GAREM1: variants seen among roughly 807,000 people sequenced by gnomAD.
GAREM1 encodes GRB2 associated regulator of MAPK1 subtype 1, also known as GRB2-associated and regulator of MAPK protein 1.
A neutral mutation model predicts 71.3 loss-of-function variants in GAREM1; 26 were observed. The ratio of observed to expected loss-of-function variants is 0.36; its 90% CI spans 0.27 to 0.51. GAREM1 has a LOEUF of 0.51. Ranked by LOEUF, GAREM1 falls within the 20% of genes least tolerant of loss-of-function variation. The pLI is 0.95. For synonymous variants in GAREM1, 440 were observed against 433.2 expected (o/e 1.02, Z -0.20); for missense variants, 1,026 against 1,103.1 (o/e 0.93, Z 0.99).
At chr18:32,289,549 T>C (rs893717215) in intron 3 of GAREM1, among the ~76,000 whole-genome samples, 1 of 152,236 alleles carries the variant, frequency 6.6e-6, no homozygotes, top group Non-Finnish European at 1.5e-5. Context: ...TGCAATTTTA[T>C]AGCTTAACTA....
At chr18:32,464,163 T>C (rs923335688) in intron 1 of GAREM1, among the ~76,000 whole-genome samples, 2 of 151,886 alleles carry the variant, frequency 1.3e-5, no homozygotes, top group African/African-American at 4.8e-5. Flanking sequence ...TGGTAGTGCA[T>C]GCCTGTAAGC....
chr18:32,395,657 T>A (rs534015740), intron 1 of GAREM1, among the ~76,000 whole-genome samples: 6 of 152,274 alleles, frequency 3.9e-5, no homozygotes, highest in African/African-American at 1.4e-4. Flanking sequence ...TGAGGTGGGT[T>A]CATATGTAAT....
intron 1 of GAREM1, among the ~76,000 whole-genome samples, chr18:32,422,137 C>G (rs1225210894): frequency 6.6e-6 from 1 of 152,098 alleles, no homozygotes; most frequent in Non-Finnish European, 1.5e-5. Context: ...TATCCCTCCC[C>G]CCTTCCCCAA....
chr18:32,301,875 A>G lies in GAREM1; in HGVS notation c.393+8318T>C, dbSNP rs141122395. Among the ~76,000 whole-genome samples, 1,130 of 152,332 alleles carry G rather than the reference A, an allele frequency of 7.4e-3. 11 individuals carry two copies. The highest frequency in any genetic ancestry group is 0.011 in the Non-Finnish European group (743 of 68,034). ...ATTTTATTTTTTAAATACTGGCACC[A>G]TACTTTACTATTAATAAGATATAAA... On this transcript the variant is annotated intron_variant, in intron 3 of 5. Transcript: ENST00000269209.
chr18:32,468,391 T>TATAAAGC (rs575280034), intron 1 of GAREM1, among the ~76,000 whole-genome samples: 7 of 152,204 alleles, frequency 4.6e-5, no homozygotes, highest in Non-Finnish European at 1.0e-4. Context: ...AGAAGCAAGG[T>TATAAAGC]ATAAAGCAGT....
intron 1 of GAREM1, among the ~76,000 whole-genome samples, chr18:32,444,534 A>G (rs2048769260): frequency 6.6e-6 from 1 of 152,192 alleles, no homozygotes; most frequent in South Asian, 2.1e-4. Flanking sequence ...TCCACTGCAT[A>G]TTTGGGAGTC....
chr18:32,417,477 A>G (rs1201818014), intron 1 of GAREM1, among the ~76,000 whole-genome samples: 1 of 152,220 alleles, frequency 6.6e-6, no homozygotes, highest in African/African-American at 2.4e-5. Flanking sequence ...CTAAGCATCC[A>G]TCAGCAGATG....
chr18:32,282,276 C>T (rs1439760330), intron 4 of GAREM1, among the ~76,000 whole-genome samples: 1 of 152,036 alleles, frequency 6.6e-6, no homozygotes, highest in Admixed American at 6.6e-5. Context: ...TTTAAAAAAA[C>T]TTAGCCAGGC....
At chr18:32,390,306 T>C (rs1452022824) in intron 2 of GAREM1, among the ~76,000 whole-genome samples, 3 of 152,200 alleles carry the variant, frequency 2.0e-5, no homozygotes, top group Non-Finnish European at 4.4e-5. Flanking sequence ...TCTTAAGATA[T>C]GAAACACAAA....
At chr18:32,344,693 A>G (rs957876890) in intron 2 of GAREM1, among the ~76,000 whole-genome samples, 16 of 152,258 alleles carry the variant, frequency 1.1e-4, no homozygotes, top group African/African-American at 3.6e-4. Context: ...CGAATGATAA[A>G]ACATATGTAT....
chr18:32,336,819 T>C (rs776457236), intron 2 of GAREM1, among the ~76,000 whole-genome samples: 6 of 152,224 alleles, frequency 3.9e-5, no homozygotes, highest in Non-Finnish European at 5.9e-5. Flanking sequence ...TGGGCTCCAC[T>C]TACCAGCCCT....
chr18:32,438,366 T>C (rs1329145417), intron 1 of GAREM1, among the ~76,000 whole-genome samples: 1 of 152,216 alleles, frequency 6.6e-6, no homozygotes, highest in Non-Finnish European at 1.5e-5. Flanking sequence ...TTCCTCACCT[T>C]GGCCATCTGC....
At chr18:32,466,039 A>G (rs1293533020) in intron 1 of GAREM1, among the ~76,000 whole-genome samples, 1 of 152,238 alleles carries the variant, frequency 6.6e-6, no homozygotes, top group Non-Finnish European at 1.5e-5. Flanking sequence ...TAAAGTCTCC[A>G]CTATTTAGGT....
intron 2 of GAREM1, among the ~76,000 whole-genome samples, chr18:32,335,051 G>T (rs749344958): frequency 6.6e-6 from 1 of 152,088 alleles, no homozygotes; most frequent in Non-Finnish European, 1.5e-5. Flanking sequence ...TTTTCAAATC[G>T]GCACAATGAT....
chr18:32,465,140 C>T (rs890010907), intron 1 of GAREM1, among the ~76,000 whole-genome samples: 1 of 152,138 alleles, frequency 6.6e-6, no homozygotes, highest in African/African-American at 2.4e-5. Flanking sequence ...TTCCCCCCAC[C>T]CTGGCCATGT....
rs143088206 is a variant in GAREM1, at chr18:32,431,020, G to T, written c.122-37985C>A. 1.7e-3 allele frequency among the ~76,000 whole-genome samples: 256 copies of T among 152,256 alleles called. 3 individuals carry two copies. Among genetic ancestry groups the T allele is most frequent in the East Asian group, 0.014 (71 of 5,172 alleles). On this transcript the variant is annotated intron_variant, in intron 1 of 5. Transcript: ENST00000269209. ...TATAAATTTGAGTATGAATCCCTTT[G>T]TAGGAAAGCTTTGCATGCCTGGATC... is the stretch of plus-strand genomic sequence containing the variant.
intron 2 of GAREM1, among the ~76,000 whole-genome samples, chr18:32,383,104 G>A (rs1189140230): frequency 2.6e-5 from 4 of 152,140 alleles, no homozygotes; most frequent in Non-Finnish European, 5.9e-5. Context: ...TCACACTCAC[G>A]CATTGGCTTG....
chr18:32,279,009 G>A (rs7243027), intron 4 of GAREM1, among the ~76,000 whole-genome samples: 48 of 152,282 alleles, frequency 3.2e-4, no homozygotes, highest in African/African-American at 1.1e-3. Context: ...GGCAGGAGGG[G>A]CAAGTGGTTC....
chr18:32,321,102 C>T (rs140279844), intron 2 of GAREM1, among the ~76,000 whole-genome samples: 5 of 152,132 alleles, frequency 3.3e-5, no homozygotes, highest in East Asian at 1.9e-4. Flanking sequence ...TAAAATACAA[C>T]CTAAAACAAA....
Sources: gnomAD v4.1 joint callset for allele counts (sites outside exome capture counted in the v4.1 genomes callset) on GRCh38, gnomAD v4.1.1 for gene constraint, MANE v1.5 for transcripts, NCBI Gene and HGNC (gene_info 2026-07-23, HGNC 2026-07-21) for gene names.